BMPR1A: variants seen among roughly 807,000 people sequenced by gnomAD.
BMPR1A encodes the protein bone morphogenetic protein receptor type-1A.
In BMPR1A, 7 loss-of-function variants were observed where a neutral mutation model predicts 66.0. The ratio of observed to expected loss-of-function variants is 0.11; its 90% CI spans 0.06 to 0.20. The LOEUF is 0.20. Among genes scored for constraint, BMPR1A ranks in the 10% least tolerant of loss-of-function variants. The probability of loss-of-function intolerance (pLI) is 1.00; values close to 1 mark genes in which losing one functional copy is unlikely to be tolerated. For missense variants in BMPR1A, 408 were observed against 669.1 expected, an observed-to-expected ratio of 0.61 and a Z score of 4.31; for synonymous variants, 200 against 229.7, an observed-to-expected ratio of 0.87 and a Z score of 1.17.
intron 5 of BMPR1A, among the ~76,000 whole-genome samples, chr10:86,893,666 T>C (rs1843186126): frequency 6.6e-6 from 1 of 152,040 alleles, no homozygotes; most frequent in Admixed American, 6.6e-5. Flanking sequence ...CGGGTGCCTG[T>C]CGTCCCAGCT....
chr10:86,881,235 C>CT (rs1396149589), intron 3 of BMPR1A, among the ~76,000 whole-genome samples: 1 of 152,092 alleles, frequency 6.6e-6, no homozygotes, highest in Non-Finnish European at 1.5e-5. Context: ...GAGCAAGACT[C>CT]TGTCTCAAAA....
Position 86,814,269 on chromosome 10 carries a change from G to C in BMPR1A, c.-267-24596G>C, listed in dbSNP as rs192019758. Among the ~76,000 whole-genome samples the C allele has an allele frequency of 9.7e-4, 148 of 152,210 alleles. 1 individual carries two copies. The highest frequency in any genetic ancestry group is 3.4e-3 in the Middle Eastern group (1 of 292). ...CTCGCCTCAGCTTCCCCAATGCTGA[G>C]AGTATGGGCTGCATTAGCTCTTTTT... On this transcript the variant is annotated intron_variant, in intron 1 of 12. Coordinates refer to ENST00000372037, the MANE Select transcript of BMPR1A (RefSeq NM_004329.3).
chr10:86,890,598 A>C (rs1843134443), intron 4 of BMPR1A, among the ~76,000 whole-genome samples: 1 of 151,424 alleles, frequency 6.6e-6, no homozygotes, highest in Non-Finnish European at 1.5e-5. Context: ...TAATTTAAAA[A>C]AAAATTTTTT....
At chr10:86,876,134 T>A (rs202004922) in intron 3 of BMPR1A, 49 bp downstream of exon 3, 1 of 1,520,754 alleles carries the variant, frequency 6.6e-7, no homozygotes, top group Admixed American at 1.7e-5. Context: ...TAAAAAGCAC[T>A]ATTTCTTGCT....
At chr10:86,820,116 G>C (rs1242300558) in intron 1 of BMPR1A, among the ~76,000 whole-genome samples, 1 of 152,154 alleles carries the variant, frequency 6.6e-6, no homozygotes, top group East Asian at 1.9e-4. Flanking sequence ...ATCATAGCTC[G>C]TCTGCAGCCT....
intron 2 of BMPR1A, among the ~76,000 whole-genome samples, chr10:86,862,932 G>A (rs1206663900): frequency 6.6e-6 from 1 of 151,712 alleles, no homozygotes; most frequent in Admixed American, 6.6e-5. Flanking sequence ...AAATTGTATA[G>A]TTGCTGATAA....
chr10:86,890,272 C>T, intron 4 of BMPR1A, 48 bp downstream of exon 4: 2 of 1,595,770 alleles, frequency 1.3e-6, no homozygotes, highest in Non-Finnish European at 8.6e-7. Context: ...AATAGAGTTG[C>T]ATTTAGTGCT....
intron 1 of BMPR1A, among the ~76,000 whole-genome samples, chr10:86,826,533 G>A (rs1443689620): frequency 3.3e-5 from 5 of 151,886 alleles, no homozygotes; most frequent in African/African-American, 1.2e-4. Context: ...GGTCTTTTAT[G>A]AAATCTCATC....
At chr10:86,881,145 G>A (rs1462694891) in intron 3 of BMPR1A, among the ~76,000 whole-genome samples, 1 of 152,176 alleles carries the variant, frequency 6.6e-6, no homozygotes, top group African/African-American at 2.4e-5. Flanking sequence ...GCTGAGGTGG[G>A]CGGGAGAATC....
intron 1 of BMPR1A, among the ~76,000 whole-genome samples, chr10:86,768,776 T>G (rs886966788): frequency 1.7e-4 from 26 of 152,256 alleles, no homozygotes; most frequent in African/African-American, 5.3e-4. Context: ...CTTATTACAC[T>G]CTGCTTACTA....
At chr10:86,904,818 A>G (rs1843361982) in intron 7 of BMPR1A, among the ~76,000 whole-genome samples, 1 of 152,248 alleles carries the variant, frequency 6.6e-6, no homozygotes, top group Non-Finnish European at 1.5e-5. Context: ...GGAACTGGTC[A>G]TGTAGGCTTT....
chr10:86,790,700 G>A (rs1055756525), intron 1 of BMPR1A, among the ~76,000 whole-genome samples: 3 of 152,064 alleles, frequency 2.0e-5, no homozygotes. Flanking sequence ...ACAAAATATC[G>A]TATGTTGTAT....
chr10:86,813,648 T>A (rs1027826157), intron 1 of BMPR1A, among the ~76,000 whole-genome samples: 2 of 152,194 alleles, frequency 1.3e-5, no homozygotes, highest in Admixed American at 6.5e-5. Flanking sequence ...CGCTCTCCAT[T>A]TCCCCCCATT....
At chr10:86,788,349 C>G (rs1293835442) in intron 1 of BMPR1A, among the ~76,000 whole-genome samples, 5 of 152,276 alleles carry the variant, frequency 3.3e-5, no homozygotes, top group African/African-American at 1.2e-4. Context: ...CAACTTCATG[C>G]TGAGTCCTGT....
At chr10:86,928,266 A>C (rs1252982550), downstream of BMPR1A, 1 of 123,634 alleles carries the variant, frequency 8.1e-6, no homozygotes, top group East Asian at 2.5e-4. Flanking sequence ...CTTGTTGCCC[A>C]GGCTGGAGTG....
chr10:86,855,755 CT>C (rs1842631977), intron 2 of BMPR1A: 24 of 1,019,472 alleles, frequency 2.4e-5, no homozygotes, highest in Middle Eastern at 2.6e-4. Flanking sequence ...TTTCATTATG[CT>C]TTTTTGGTGC....
In BMPR1A at chr10:86,899,901, C is replaced by T. The variant is rs762244358; in HGVS notation, c.430+11C>T. On this transcript the variant is annotated intron_variant, in intron 6 of 12. Transcript: ENST00000372037. ...CCCCTGTTGTCATAGGTAGGTTAGC[C>T]GAGAAAAGTCGGAGCATGCTTCTCA... 35 of 1,612,920 alleles carry T rather than the reference C, an allele frequency of 2.2e-5. No individual in the cohort carries two copies. Among genetic ancestry groups the T allele is most frequent in the South Asian group, 1.9e-4 (17 of 91,054 alleles).
chr10:86,845,470 G>C (rs993809508), intron 2 of BMPR1A, among the ~76,000 whole-genome samples: 3 of 152,168 alleles, frequency 2.0e-5, no homozygotes, highest in Non-Finnish European at 4.4e-5. Flanking sequence ...GTCTCCCTTA[G>C]GTTTGCAAAG....
At chr10:86,837,853 G>A (rs1842374018) in intron 1 of BMPR1A, among the ~76,000 whole-genome samples, 2 of 152,286 alleles carry the variant, frequency 1.3e-5, no homozygotes, top group East Asian at 1.9e-4. Flanking sequence ...TCTGCTGAGC[G>A]GAGACTCTTG....
Sources: gnomAD v4.1 joint callset for allele counts (sites outside exome capture counted in the v4.1 genomes callset) on GRCh38, gnomAD v4.1.1 for gene constraint, MANE v1.5 for transcripts, NCBI Gene and HGNC (gene_info 2026-07-23, HGNC 2026-07-21) for gene names.